The following WWOX variants were observed in gnomAD, a reference collection of about 807,000 sequenced individuals.
The protein encoded by WWOX is WW domain containing oxidoreductase, also known as WW domain-containing oxidoreductase.
A neutral mutation model predicts 46.2 loss-of-function variants in WWOX; 69 were observed. The ratio of observed to expected loss-of-function variants is 1.49; its 90% CI spans 1.23 to 1.82. WWOX has a LOEUF of 1.82. WWOX is among the 40% of genes most tolerant of loss of function. WWOX has a pLI of 0.00. For missense variants in WWOX, 919 were observed against 542.6 expected, an observed-to-expected ratio of 1.69 and a Z score of -6.89; for synonymous variants, 359 against 202.6, an observed-to-expected ratio of 1.77 and a Z score of -6.56.
At chr16:78,809,168 G>C (rs1032002082) in intron 8 of WWOX, among the ~76,000 whole-genome samples, 4 of 152,122 alleles carry the variant, frequency 2.6e-5, no homozygotes, top group Middle Eastern at 3.4e-3. Context: ...AGTCATAGGA[G>C]AACTTGTGCA....
In WWOX at chr16:78,481,771, G is replaced by A. The variant is rs542018192; in HGVS notation, c.1056+49019G>A. ...TGTGTGTGTGTGTGTGTGTGCGCGCGCCTGCATGTGTACTGTGGATGTGAT... is the reference window on the plus strand; with the variant it reads ...TGTGTGTGTGTGTGTGTGTGCGCGCACCTGCATGTGTACTGTGGATGTGAT... On this transcript the variant is annotated intron_variant, in intron 8 of 8. Transcript: ENST00000566780. Among the ~76,000 whole-genome samples the A allele has an allele frequency of 2.4e-4, 36 of 151,018 alleles. No individual in the cohort carries two copies. In the South Asian group the frequency reaches 2.7e-3, roughly 11 times the overall value.
At chr16:78,395,959 G>A (rs1397334789) in intron 6 of WWOX, among the ~76,000 whole-genome samples, 1 of 152,128 alleles carries the variant, frequency 6.6e-6, no homozygotes, top group Non-Finnish European at 1.5e-5. Flanking sequence ...GCCTGCTCTG[G>A]ATAAGTGAGG....
intron 8 of WWOX, among the ~76,000 whole-genome samples, chr16:78,613,979 G>A (rs1051959817): frequency 2.6e-5 from 4 of 152,164 alleles, no homozygotes; most frequent in African/African-American, 4.8e-5. Flanking sequence ...TTTCAGCTAC[G>A]TTGGCAGAGC....
chr16:78,109,720 C>T, intron 2 of WWOX, 58 bp from the exon 3 acceptor site: 2 of 1,595,702 alleles, frequency 1.3e-6, no homozygotes, highest in Non-Finnish European at 1.7e-6. Context: ...CCTTCCTGAC[C>T]CAGGGATGGT....
intron 8 of WWOX, among the ~76,000 whole-genome samples, chr16:78,546,712 C>A (rs2151535789): frequency 6.6e-6 from 1 of 152,288 alleles, no homozygotes; most frequent in African/African-American, 2.4e-5. Context: ...GCATCAGGTT[C>A]TTCTGGTACT....
intron 8 of WWOX, among the ~76,000 whole-genome samples, chr16:78,603,589 G>A (rs974590769): frequency 6.6e-5 from 10 of 152,258 alleles, no homozygotes; most frequent in African/African-American, 2.4e-4. Context: ...AGCTACTCAG[G>A]AGACTGAGGC....
chr16:78,496,225 C>T (rs573060331), intron 8 of WWOX: 1 of 152,300 alleles, frequency 6.6e-6, no homozygotes, highest in South Asian at 2.1e-4. Context: ...CTTCTGTCCT[C>T]AGAAGGCAGC....
At chr16:79,147,077 T>A (rs1338917403) in intron 8 of WWOX, among the ~76,000 whole-genome samples, 2 of 152,198 alleles carry the variant, frequency 1.3e-5, no homozygotes, top group Non-Finnish European at 2.9e-5. Flanking sequence ...TTATTCAGAT[T>A]TCTCATTTTA....
chr16:79,190,433 A>C (rs1477362248), intron 8 of WWOX, among the ~76,000 whole-genome samples: 1 of 152,130 alleles, frequency 6.6e-6, no homozygotes, highest in African/African-American at 2.4e-5. Flanking sequence ...TGGACTTTGG[A>C]ATATTCGTAG....
At chr16:78,590,749 A>G (rs1168716462) in intron 8 of WWOX, among the ~76,000 whole-genome samples, 1 of 152,130 alleles carries the variant, frequency 6.6e-6, no homozygotes, top group Non-Finnish European at 1.5e-5. Flanking sequence ...GGTAGATGGG[A>G]TCAGTGCCAG....
At chr16:78,906,647 G>A (rs932503989) in intron 8 of WWOX, among the ~76,000 whole-genome samples, 1 of 152,190 alleles carries the variant, frequency 6.6e-6, no homozygotes, top group African/African-American at 2.4e-5. Context: ...TGATGATAAA[G>A]GTTACTGTTG....
At chr16:78,935,792 AC>A (rs776376749) in intron 8 of WWOX, among the ~76,000 whole-genome samples, 90 of 152,154 alleles carry the variant, frequency 5.9e-4, no homozygotes, top group Non-Finnish European at 1.1e-3. Context: ...ACCTGCCTGT[AC>A]CCCAGCTACT....
intron 8 of WWOX, among the ~76,000 whole-genome samples, chr16:78,785,011 G>C (rs1373630753): frequency 6.6e-6 from 1 of 152,192 alleles, no homozygotes; most frequent in Non-Finnish European, 1.5e-5. Context: ...CAGCTCGTAG[G>C]TGGTACTTGT....
At chr16:78,425,641 A>G (rs1379362026) in intron 7 of WWOX, among the ~76,000 whole-genome samples, 3 of 152,192 alleles carry the variant, frequency 2.0e-5, no homozygotes, top group South Asian at 2.1e-4. Context: ...TGAAAAGGAC[A>G]TTTGAAAATT....
At chr16:78,748,319 C>G (rs2049397977) in intron 8 of WWOX, among the ~76,000 whole-genome samples, 1 of 152,178 alleles carries the variant, frequency 6.6e-6, no homozygotes, top group African/African-American at 2.4e-5. Flanking sequence ...AGACTCTATG[C>G]AAATAATTAC....
intron 8 of WWOX, among the ~76,000 whole-genome samples, chr16:78,694,373 C>G (rs1264434843): frequency 6.6e-6 from 1 of 152,210 alleles, no homozygotes; most frequent in Non-Finnish European, 1.5e-5. Flanking sequence ...AAAAGGGCCA[C>G]ACTCTTAGCT....
intron 8 of WWOX, among the ~76,000 whole-genome samples, chr16:78,700,389 T>A (rs1269321013): frequency 1.3e-5 from 2 of 149,412 alleles, no homozygotes; most frequent in Non-Finnish European, 3.0e-5. Context: ...CTTTCATTCA[T>A]GAGAACTCCA....
At chr16:78,679,321 C>T (rs988879678) in intron 8 of WWOX, among the ~76,000 whole-genome samples, 2 of 152,244 alleles carry the variant, frequency 1.3e-5, no homozygotes, top group East Asian at 1.9e-4. Flanking sequence ...GAGGCCAAGG[C>T]GGGTGGATCA....
chr16:78,538,713 G>C (rs2043818812), intron 8 of WWOX, among the ~76,000 whole-genome samples: 1 of 152,100 alleles, frequency 6.6e-6, no homozygotes. Context: ...TAAGGGACCA[G>C]GTTAATCTTA....
Sources: allele counts gnomAD v4.1 joint callset (sites outside exome capture counted in the v4.1 genomes callset), GRCh38; gene constraint gnomAD v4.1.1; transcripts MANE v1.5; gene names NCBI Gene and HGNC (gene_info 2026-07-23, HGNC 2026-07-21).